The following INF2 variants were observed in gnomAD, a reference collection of about 807,000 sequenced individuals.
INF2 encodes the protein inverted formin 2.
In INF2, 43 loss-of-function variants were observed where a neutral mutation model predicts 123.5. The ratio of observed to expected loss-of-function variants is 0.35; its 90% CI spans 0.27 to 0.45. The LOEUF (loss-of-function observed/expected upper bound fraction) is 0.45. Among genes scored for constraint, INF2 ranks in the 20% least tolerant of loss-of-function variants. The pLI is 1.00. For synonymous variants in INF2, 851 were observed against 745.0 expected (o/e 1.14, Z -2.32); for missense variants, 1,453 against 1,682.7 (o/e 0.86, Z 2.39).
rs1240191912 is a variant in INF2, at chr14:104,718,932, G to A, written c.*139G>A. The A allele has an allele frequency of 1.4e-6, 2 of 1,471,746 alleles. No individual in the cohort carries two copies. Among genetic ancestry groups the A allele is most frequent in the Non-Finnish European group, 1.8e-6 (2 of 1,117,922 alleles). The allele number at this position is 1,471,746 out of a possible 1,614,324, so 91.2% of individuals were successfully genotyped here. A position where few individuals can be genotyped will look rare whatever the true frequency, so the allele number is the denominator to read the frequency against. ...AAAACTCCGTGCCTTACCCAGCCGG[G>A]GCCCTCCTGGAGCCTTCTTGGGGTG... On this transcript the variant is annotated 3_prime_UTR_variant, in exon 23 of 23. Transcript: ENST00000392634.
At chr14:104,715,881 G>A (rs1187129822) in intron 22 of INF2, 1 of 457,074 alleles carries the variant, frequency 2.2e-6, no homozygotes, top group South Asian at 1.5e-5. Flanking sequence ...TGCTGCCAGG[G>A]ACAAGTACAC....
chr14:104,699,428 C>T lies in INF2; in HGVS notation c.-9-1929C>T. 1 of 985,336 alleles carries T rather than the reference C, an allele frequency of 1.0e-6. No individual in the cohort carries two copies. The highest frequency in any genetic ancestry group is 4.7e-5 in the South Asian group (1 of 21,280). 61.0% of individuals were successfully genotyped at this position (985,336 alleles called of 1,614,324 possible). A position where few individuals can be genotyped will look rare whatever the true frequency, so the allele number is the denominator to read the frequency against. On this transcript the variant is annotated intron_variant, in intron 1 of 22. Coordinates refer to ENST00000392634, the MANE Select transcript of INF2 (RefSeq NM_022489.4). The surrounding 1 kb of genome is among the most constrained non-coding windows in gnomAD (Gnocchi z 4.7). ...GCTCTTCATGGTGGTGGGAGCAACC[C>T]TACTGCCACCAGGAGGGGCGTTGGG... is the stretch of plus-strand genomic sequence containing the variant.
chr14:104,701,009 T>A, intron 1 of INF2: 1 of 355,606 alleles, frequency 2.8e-6, no homozygotes, highest in African/African-American at 2.2e-5. Context: ...CCCCGAGTCC[T>A]CCCCAAGCTC....
At chr14:104,707,162 A>C (rs1889819257) in intron 7 of INF2, 91 bp from the exon 8 acceptor site, 2 of 1,506,780 alleles carry the variant, frequency 1.3e-6, no homozygotes, top group Non-Finnish European at 1.8e-6. Context: ...TGCCCAGGGG[A>C]GGTGGCCGCT....
At chr14:104,710,636 C>T (rs949144493) in intron 13 of INF2, 8 of 537,262 alleles carry the variant, frequency 1.5e-5, no homozygotes, top group African/African-American at 3.8e-5. Context: ...TGCACACACA[C>T]GGGCACCATC....
chr14:104,699,682 C>G lies in INF2; in HGVS notation c.-9-1675C>G, dbSNP rs989469961. 6.6e-6 allele frequency: 5 copies of G among 752,942 alleles called. No individual in the cohort carries two copies. In the African/African-American group the frequency reaches 9.6e-5, roughly 14 times the overall value. 46.6% of individuals were successfully genotyped at this position (752,942 alleles called of 1,614,324 possible). A position where few individuals can be genotyped will look rare whatever the true frequency, so the allele number is the denominator to read the frequency against. On this transcript the variant is annotated intron_variant, in intron 1 of 22. Coordinates refer to ENST00000392634, the MANE Select transcript of INF2 (RefSeq NM_022489.4). The surrounding 1 kb of genome is among the most constrained non-coding windows in gnomAD (Gnocchi z 4.7). ...CACAGTGCACCGGGGGCTCCGGGCT[C>G]TCCGTTCTACAGTGCCCAGACCAGG...
chr14:104,704,199 T>C, intron 5 of INF2: 1 of 1,422,128 alleles, frequency 7.0e-7, no homozygotes, highest in Non-Finnish European at 9.2e-7. Flanking sequence ...TGAGCTCATA[T>C]CCTTTGCACA....
chr14:104,681,917 A>G (rs968912884), intron 1 of INF2, among the ~76,000 whole-genome samples: 1 of 152,144 alleles, frequency 6.6e-6, no homozygotes, highest in Non-Finnish European at 1.5e-5. Context: ...TGGAGATTCC[A>G]GGCTGAGGCG....
chr14:104,713,102 C>T (rs1890129298), intron 18 of INF2, 105 bp from the exon 19 acceptor site: 1 of 1,607,708 alleles, frequency 6.2e-7, no homozygotes, highest in Non-Finnish European at 8.5e-7. Flanking sequence ...CCGACACAGC[C>T]ATGTGGGCCC....
chr14:104,681,145 G>A, upstream of INF2: 1 of 235,326 alleles, frequency 4.2e-6, no homozygotes, highest in South Asian at 5.2e-5. Context: ...CTGGGGGGTG[G>A]CACCAGGCTG....
At chr14:104,697,025 C>A (rs1406629275) in intron 1 of INF2, among the ~76,000 whole-genome samples, 1 of 152,200 alleles carries the variant, frequency 6.6e-6, no homozygotes, top group East Asian at 1.9e-4. Flanking sequence ...GTCCCAGGCA[C>A]AGTAGGCAGT....
intron 1 of INF2, among the ~76,000 whole-genome samples, chr14:104,694,978 G>A (rs1199158026): frequency 6.6e-6 from 1 of 152,304 alleles, no homozygotes; most frequent in East Asian, 1.9e-4. Context: ...CCCCCTCCCA[G>A]GTTGAGAGAG....
intron 8 of INF2, 50 bp downstream of exon 8, chr14:104,708,052 G>GTC (rs1179400255): frequency 1.1e-5 from 17 of 1,597,144 alleles, no homozygotes; most frequent in Non-Finnish European, 1.4e-5. Flanking sequence ...ACGGGGGCTG[G>GTC]TCTCTGCTGG....
chr14:104,700,558 G>A (rs1268152100), intron 1 of INF2, among the ~76,000 whole-genome samples: 2 of 152,196 alleles, frequency 1.3e-5, no homozygotes, highest in African/African-American at 2.4e-5. Context: ...CTGGGGGGAT[G>A]TGGTGGCGTG....
chr14:104,709,604 G>A lies in INF2; in HGVS notation c.2053-16G>A, dbSNP rs371712402. The A allele has an allele frequency of 4.0e-5, 65 of 1,609,914 alleles. No individual in the cohort carries two copies. The highest frequency in any genetic ancestry group is 2.8e-4 in the African/African-American group (21 of 74,950). ...CTGGCATGGGGGGATCCCACATGCC[G>A]TTCTCCTCCTGGCAGATTGAAAACC... On this transcript the variant is annotated splice_polypyrimidine_tract_variant and intron_variant, in intron 11 of 22. Transcript: ENST00000392634.
chr14:104,711,280 C>G, intron 15 of INF2, 94 bp downstream of exon 15: 1 of 1,082,406 alleles, frequency 9.2e-7, no homozygotes, highest in Non-Finnish European at 1.4e-6. Context: ...ATGCCCACCA[C>G]TCAGGCCGCC....
At chr14:104,701,892 AGGAGGACTGGCTTCCTGGG>A in intron 2 of INF2, 136 bp downstream of exon 2, 1 of 964,510 alleles carries the variant, frequency 1.0e-6, no homozygotes, top group East Asian at 2.7e-5. Context: ...GGCTTCCTGG[AGGAGGACTGGCTTCCTGGG>A]CTCAGGAAAA....
Position 104,699,907 on chromosome 14 carries a change from C to T in INF2, c.-9-1450C>T, listed in dbSNP as rs1364385140. Among the ~76,000 whole-genome samples, 1 of 152,144 alleles carries T rather than the reference C, an allele frequency of 6.6e-6. No individual in the cohort carries two copies. Among genetic ancestry groups the T allele is most frequent in the East Asian group, 1.9e-4 (1 of 5,182 alleles). ...CTGTCAGGCTGCCTCCTGGAAGGAG[C>T]CCACTGGCCCCCTGGGGCAGTTGGA... On this transcript the variant is annotated intron_variant, in intron 1 of 22. Coordinates refer to ENST00000392634, the MANE Select transcript of INF2 (RefSeq NM_022489.4). The surrounding 1 kb of genome is among the most constrained non-coding windows in gnomAD (Gnocchi z 4.7).
chr14:104,694,376 G>A (rs1468150648), intron 1 of INF2, among the ~76,000 whole-genome samples: 3 of 152,216 alleles, frequency 2.0e-5, no homozygotes, highest in Non-Finnish European at 2.9e-5. Context: ...TGGGCCTGAC[G>A]GGCTCCCTGG....
Sources: allele counts gnomAD v4.1 joint callset (sites outside exome capture counted in the v4.1 genomes callset), GRCh38; gene constraint gnomAD v4.1.1; non-coding constraint Gnocchi (gnomAD v3.1); transcripts MANE v1.5; gene names NCBI Gene and HGNC (gene_info 2026-07-23, HGNC 2026-07-21).